The following MFF variants were observed in gnomAD, a reference collection of about 807,000 sequenced individuals.
The protein encoded by MFF is mitochondrial fission factor, also known as chromosome 2 open reading frame 33.
Under a neutral mutation model 36.9 loss-of-function variants are expected in MFF, and 12 were observed. The ratio of observed to expected loss-of-function variants is 0.33; its 90% CI spans 0.21 to 0.53. The LOEUF (loss-of-function observed/expected upper bound fraction) is 0.53. Among genes scored for constraint, MFF ranks in the 20% least tolerant of loss-of-function variants. MFF has a pLI of 0.95. For missense variants in MFF, 348 were observed against 366.6 expected (o/e 0.95, Z 0.42); for synonymous variants, 99 against 126.2 (o/e 0.78, Z 1.44).
chr2:227,341,902 C>T (rs1247982704), intron 5 of MFF, among the ~76,000 whole-genome samples: 1 of 151,790 alleles, frequency 6.6e-6, no homozygotes, highest in East Asian at 1.9e-4. Context: ...TTTTTTCTCC[C>T]GAAGTATATA....
At position 227,357,298 on chromosome 2, in the gene MFF, C is replaced by G. The variant is rs1222656691; in HGVS notation, c.*181C>G. 1 of 617,902 alleles carries G rather than the reference C, an allele frequency of 1.6e-6. No individual in the cohort carries two copies. The highest frequency in any genetic ancestry group is 2.7e-6 in the Non-Finnish European group (1 of 373,506). The allele number at this position is 617,902 out of a possible 1,614,324, so 38.3% of individuals were successfully genotyped here. A position where few individuals can be genotyped will look rare whatever the true frequency, so the allele number is the denominator to read the frequency against. On this transcript the variant is annotated 3_prime_UTR_variant, in exon 9 of 9. Transcript: ENST00000304593. ...GTAGAAGTAAAGGTATATTCTGTCA[C>G]TCAGCTGTATTCACGTCTGAGCAGT...
Position 227,357,280 on chromosome 2 carries a change from T to C in MFF, c.*163T>C, listed in dbSNP as rs1019369584. 3.2e-5 allele frequency: 23 copies of C among 720,136 alleles called. No individual in the cohort carries two copies. Among genetic ancestry groups the C allele is most frequent in the Non-Finnish European group, 4.9e-5 (22 of 453,566 alleles). 44.6% of individuals were successfully genotyped at this position (720,136 alleles called of 1,614,324 possible). ...GAGGAAGGACCTATATTTGTAGAAGTAAAGGTATATTCTGTCACTCAGCTG... is the reference window on the plus strand; with the variant it reads ...GAGGAAGGACCTATATTTGTAGAAGCAAAGGTATATTCTGTCACTCAGCTG... On this transcript the variant is annotated 3_prime_UTR_variant, in exon 9 of 9. Transcript: ENST00000304593.
intron 6 of MFF, among the ~76,000 whole-genome samples, chr2:227,350,000 A>G (rs59419007): frequency 0.32 from 48,768 of 152,002 alleles, 8,121 homozygotes; most frequent in Admixed American, 0.43. Context: ...ATGCAGATTC[A>G]CAATTCCTTG....
intron 1 of MFF, among the ~76,000 whole-genome samples, chr2:227,328,321 C>G (rs35755022): frequency 7.3e-5 from 2 of 27,470 alleles, no homozygotes; most frequent in African/African-American, 1.8e-4. Context: ...AAAAAAAAAA[C>G]CAATTCATTT....
chr2:227,340,426 G>C, intron 5 of MFF, 46 bp downstream of exon 5: 1 of 1,398,126 alleles, frequency 7.2e-7, no homozygotes. Flanking sequence ...AGTTTTCTCA[G>C]GATATTTTCT....
chr2:227,352,194 T>C (rs1268765025), intron 6 of MFF: 1 of 226,474 alleles, frequency 4.4e-6, no homozygotes, highest in Non-Finnish European at 8.7e-6. Context: ...AATTACACTT[T>C]TTAAGCAGAG....
At chr2:227,334,340 G>A (rs2074825973) in intron 4 of MFF, among the ~76,000 whole-genome samples, 1 of 152,150 alleles carries the variant, frequency 6.6e-6, no homozygotes, top group South Asian at 2.1e-4. Context: ...CTTATTGAAA[G>A]CAAAGATGAT....
chr2:227,353,229 T>C (rs962271468), intron 7 of MFF, among the ~76,000 whole-genome samples: 6 of 152,208 alleles, frequency 3.9e-5, no homozygotes, highest in Middle Eastern at 3.2e-3. Context: ...CATGCAGTTC[T>C]TAAGTGCCAA....
chr2:227,342,543 A>G (rs1041273008), intron 5 of MFF, among the ~76,000 whole-genome samples: 1 of 152,086 alleles, frequency 6.6e-6, no homozygotes, highest in Non-Finnish European at 1.5e-5. Flanking sequence ...ACTTTATTTT[A>G]TTCCATGGCT....
intron 8 of MFF, 33 bp downstream of exon 8, chr2:227,355,794 A>T (rs558039028): frequency 1.5e-6 from 2 of 1,303,916 alleles, no homozygotes; most frequent in Admixed American, 3.5e-5. Flanking sequence ...TATATTTCTC[A>T]GTTATATTCA....
chr2:227,330,811 T>A lies in MFF; in HGVS notation c.146T>A (p.Val49Glu). 1 of 1,614,222 alleles carries A rather than the reference T, an allele frequency of 6.2e-7. No individual in the cohort carries two copies. The highest frequency in any genetic ancestry group is 8.5e-7 in the Non-Finnish European group (1 of 1,180,016). The change falls in exon 3 of 9, where the codon GTG becomes GAG. Residue 49 changes from valine to glutamate, a missense_variant. Transcript: ENST00000304593. ...CAAGAAGGAGTTCCAAATGCTAGTGTGATAATGCAAGTTCCGGAGAGGATT... is the reference window on the plus strand; with the variant it reads ...CAAGAAGGAGTTCCAAATGCTAGTGAGATAATGCAAGTTCCGGAGAGGATT... ...GFQEGVPNAS[V>E]IMQVPERIVV...
chr2:227,351,880 C>T (rs2076012023), intron 6 of MFF: 1 of 152,238 alleles, frequency 6.6e-6, no homozygotes, highest in Admixed American at 6.6e-5. Flanking sequence ...GATTGCCCTT[C>T]CTGTAATGTG....
chr2:227,332,487 C>G lies in MFF; in HGVS notation c.250C>G (p.Pro84Ala). 1 of 1,613,612 alleles carries G rather than the reference C, an allele frequency of 6.2e-7. No individual in the cohort carries two copies. The highest frequency in any genetic ancestry group is 8.5e-7 in the Non-Finnish European group (1 of 1,179,626). ...LDLIQSTPFK[P>A]LALKTPPRVL... ...CCTTATTCAGTCAACTCCCTTTAAA[C>G]CCCTGGCACTGAAAACACCACCTCG... The change falls in exon 4 of 9, where the codon CCC becomes GCC. Residue 84 changes from proline (P) to alanine (A), a missense_variant. Transcript: ENST00000304593.
chr2:227,353,329 T>A (rs1358029321), intron 7 of MFF, among the ~76,000 whole-genome samples: 1 of 152,214 alleles, frequency 6.6e-6, no homozygotes, highest in Non-Finnish European at 1.5e-5. Flanking sequence ...TTTCAGTCAG[T>A]TTTATTTAAG....
intron 4 of MFF, among the ~76,000 whole-genome samples, chr2:227,333,244 A>C (rs1028380691): frequency 6.6e-6 from 1 of 152,230 alleles, no homozygotes; most frequent in African/African-American, 2.4e-5. Flanking sequence ...GTTTTTATTA[A>C]TAATGGTACT....
At chr2:227,326,443 A>G (rs1198794654) in intron 1 of MFF, among the ~76,000 whole-genome samples, 2 of 152,172 alleles carry the variant, frequency 1.3e-5, no homozygotes, top group African/African-American at 2.4e-5. Context: ...GTCTTTTCCC[A>G]TGCAATTAAA....
At chr2:227,342,710 C>G (rs1197911578) in intron 5 of MFF, 1 of 1,539,906 alleles carries the variant, frequency 6.5e-7, no homozygotes. Flanking sequence ...GTTATAAAAG[C>G]TGAATATGTA....
chr2:227,330,580 C>A, intron 2 of MFF, 46 bp from the exon 3 acceptor site: 2 of 1,265,096 alleles, frequency 1.6e-6, no homozygotes, highest in South Asian at 1.4e-5. Flanking sequence ...GTAGAGGAGA[C>A]TGACATTTTA....
At chr2:227,342,933 G>T in intron 5 of MFF, 20 of 812,534 alleles carry the variant, frequency 2.5e-5, no homozygotes, top group East Asian at 6.0e-5. Context: ...TTATCTTCCT[G>T]TTTGGCTTTT....
Sources: allele counts gnomAD v4.1 joint callset (sites outside exome capture counted in the v4.1 genomes callset), GRCh38; gene constraint gnomAD v4.1.1; transcripts MANE v1.5; gene names NCBI Gene and HGNC (gene_info 2026-07-23, HGNC 2026-07-21).